ADGRF3: variants seen among roughly 807,000 people sequenced by gnomAD.
The protein encoded by ADGRF3 is G protein-coupled receptor 113.
ADGRF3 carries 85 observed loss-of-function variants against 93.2 expected under a neutral mutation model. The observed-to-expected ratio is 0.91, with a 90% CI of 0.77 to 1.09. ADGRF3 has a LOEUF of 1.09. Ranked by LOEUF, ADGRF3 falls within the 50% of genes least tolerant of loss-of-function variation. The pLI, the probability that ADGRF3 is intolerant of heterozygous loss-of-function variation, is 0.00. For synonymous variants in ADGRF3, 534 were observed against 532.5 expected, an observed-to-expected ratio of 1.00 and a Z score of -0.04; for missense variants, 1,125 against 1,246.2, an observed-to-expected ratio of 0.90 and a Z score of 1.46.
intron 1 of ADGRF3, among the ~76,000 whole-genome samples, chr2:26,340,922 A>C (rs1277678564): frequency 6.6e-6 from 1 of 152,220 alleles, no homozygotes; most frequent in Non-Finnish European, 1.5e-5. Context: ...CCTTCAAAAA[A>C]AAAAGAATGG....
Position 26,312,948 on chromosome 2 carries a change from G to C in ADGRF3, c.1444C>G (p.Leu482Val), listed in dbSNP as rs748539913. ...EARIQLDRRA[L>V]KNLLIATDKV... ...CTGTGGCTCAGAGATCTCACCTTCA[G>C]GGCTCTGCGGTCAAGCTGTATTCTG... The change falls in exon 9 of 14, where the codon CTG (leucine) becomes GTG (valine). Residue 482 changes from leucine to valine, a missense_variant. Coordinates refer to ENST00000651242, the MANE Select transcript of ADGRF3 (RefSeq NM_001321971.2). 6 of 1,609,202 alleles carry C rather than the reference G, an allele frequency of 3.7e-6. No individual in the cohort carries two copies. The highest frequency in any genetic ancestry group is 1.7e-5 in the Admixed American group (1 of 59,216).
chr2:26,323,715 C>T (rs1484124209), intron 1 of ADGRF3, among the ~76,000 whole-genome samples: 3 of 151,502 alleles, frequency 2.0e-5, no homozygotes, highest in Non-Finnish European at 2.9e-5. Context: ...CTACAACCTC[C>T]ACCTCCTAGG....
intron 1 of ADGRF3, among the ~76,000 whole-genome samples, chr2:26,320,122 G>C (rs947982127): frequency 3.3e-5 from 5 of 152,152 alleles, no homozygotes; most frequent in African/African-American, 1.2e-4. Flanking sequence ...AACAAAGGAA[G>C]TTTCTTCTAG....
Position 26,346,450 on chromosome 2 carries a change from G to A in ADGRF3, c.-216C>T. On this transcript the variant is annotated 5_prime_UTR_variant, in exon 1 of 14. Coordinates refer to ENST00000651242, the MANE Select transcript of ADGRF3 (RefSeq NM_001321971.2). ...TGCGGGTCCTGGGGATTGGGGGTCG[G>A]GGAGCGTGGGAGCATCCTAAGCCCG... The A allele has an allele frequency of 2.4e-6, 2 of 832,926 alleles. 1 individual carries two copies. Among genetic ancestry groups the A allele is most frequent in the South Asian group, 4.0e-5 (2 of 50,290 alleles). 51.6% of individuals were successfully genotyped at this position (832,926 alleles called of 1,614,324 possible).
intron 1 of ADGRF3, among the ~76,000 whole-genome samples, chr2:26,319,821 T>C (rs1345343669): frequency 6.6e-6 from 1 of 152,042 alleles, no homozygotes; most frequent in Non-Finnish European, 1.5e-5. Flanking sequence ...CCTCAAACTC[T>C]TGGGCTCAAG....
intron 1 of ADGRF3, chr2:26,345,912 G>A (rs1676703364): frequency 5.4e-6 from 3 of 551,434 alleles, no homozygotes; most frequent in Admixed American, 3.3e-5. Context: ...AGCAAATGAA[G>A]CGACGAAGAG....
At chr2:26,314,373 C>T (rs1365879966) in intron 6 of ADGRF3, 41 bp downstream of exon 6, 1 of 1,571,258 alleles carries the variant, frequency 6.4e-7, no homozygotes, top group Admixed American at 1.7e-5. Flanking sequence ...ACAGCTGCCC[C>T]CTGGTCCCTC....
Position 26,328,319 on chromosome 2 carries a change from C to G in ADGRF3, c.115-10757G>C, listed in dbSNP as rs575133236. On this transcript the variant is annotated intron_variant, in intron 1 of 13. Transcript: ENST00000651242. ...TAAGGTGGGCTTTCTTTGGACTTAT[C>G]CTTTTTGGATTTGGCGAGCTTTTGC... is the stretch of plus-strand genomic sequence containing the variant. 3.3e-5 allele frequency among the ~76,000 whole-genome samples: 5 copies of G among 152,230 alleles called. No individual in the cohort carries two copies. The South Asian group carries it at 1.0e-3, about 32-fold the overall frequency.
intron 1 of ADGRF3, among the ~76,000 whole-genome samples, chr2:26,341,565 T>C (rs1676399024): frequency 6.6e-6 from 1 of 152,170 alleles, no homozygotes; most frequent in South Asian, 2.1e-4. Flanking sequence ...CTTTACATTC[T>C]TACCTAAGAG....
chr2:26,329,860 T>C (rs538290773), intron 1 of ADGRF3, among the ~76,000 whole-genome samples: 1 of 152,376 alleles, frequency 6.6e-6, no homozygotes, highest in African/African-American at 2.4e-5. Flanking sequence ...ACTTTTGTAA[T>C]AGGTACTTTA....
intron 1 of ADGRF3, chr2:26,318,964 A>G (rs1228824735): frequency 6.4e-7 from 1 of 1,551,546 alleles, no homozygotes; most frequent in Admixed American, 2.0e-5. Flanking sequence ...AGTCTCACTT[A>G]CAGGTTGGGA....
At chr2:26,316,211 A>T (rs1674636869) in intron 4 of ADGRF3, 64 bp downstream of exon 4, 2 of 1,482,096 alleles carry the variant, frequency 1.3e-6, no homozygotes, top group African/African-American at 2.8e-5. Context: ...CAGAGAGGAG[A>T]AAACCACTGA....
chr2:26,319,727 T>C (rs1164946983), intron 1 of ADGRF3, among the ~76,000 whole-genome samples: 13 of 151,964 alleles, frequency 8.6e-5, no homozygotes, highest in Admixed American at 8.5e-4. Flanking sequence ...TTCTTTTTCT[T>C]TCTTTTAGAA....
rs1289215558 is a variant in ADGRF3 at position 26,309,517 on chromosome 2, A to C, written c.2993+9T>G. On this transcript the variant is annotated intron_variant, in intron 13 of 13. Transcript: ENST00000651242. ...GCTTACGCTGCCCCTGAGAAAGCCT[A>C]GTTCTCACCTGGCAGTGTCGCTTCC... 6.2e-7 allele frequency: 1 copy of C among 1,610,900 alleles called. No individual in the cohort carries two copies. Among genetic ancestry groups the C allele is most frequent in the South Asian group, 1.1e-5 (1 of 89,940 alleles).
In ADGRF3 at chr2:26,319,080, G is replaced by A. The variant is rs1276833629; in HGVS notation, c.115-1518C>T. On this transcript the variant is annotated intron_variant, in intron 1 of 13. Transcript: ENST00000651242. Reference sequence around the variant, plus strand: ...AGTGAAGCAGTCCCTACAAGCCCACGATGCAAATTTCCGCAAGGAAGAGCT... The same window carrying A: ...AGTGAAGCAGTCCCTACAAGCCCACAATGCAAATTTCCGCAAGGAAGAGCT... The A allele has an allele frequency of 6.5e-6, 10 of 1,531,710 alleles. 1 individual carries two copies. In the East Asian group the frequency reaches 2.0e-4, roughly 30 times the overall value. The allele number at this position is 1,531,710 out of a possible 1,614,324, so 94.9% of individuals were successfully genotyped here. A position where few individuals can be genotyped will look rare whatever the true frequency, so the allele number is the denominator to read the frequency against.
chr2:26,341,576 G>A (rs1463338305), intron 1 of ADGRF3, among the ~76,000 whole-genome samples: 3 of 152,128 alleles, frequency 2.0e-5, no homozygotes, highest in Non-Finnish European at 2.9e-5. Context: ...TACCTAAGAG[G>A]ATTATGATTG....
intron 1 of ADGRF3, among the ~76,000 whole-genome samples, chr2:26,336,524 G>A (rs1251858770): frequency 4.6e-5 from 7 of 151,750 alleles, no homozygotes; most frequent in South Asian, 4.2e-4. Context: ...TCAGGAGTTC[G>A]AGACCAGCCT....
chr2:26,346,354 G>C lies in ADGRF3; in HGVS notation c.-120C>G. 6.6e-7 allele frequency: 1 copy of C among 1,524,620 alleles called. No individual in the cohort carries two copies. The highest frequency in any genetic ancestry group is 2.4e-5 in the East Asian group (1 of 41,150). The allele number at this position is 1,524,620 out of a possible 1,614,324, so 94.4% of individuals were successfully genotyped here. The stretch of plus-strand genomic sequence containing the variant: ...CCTCGCCCAGGCGGCTGAGGGGCCC[G>C]CGCGGCGCGGTCCGTGTCACCTTGT... On this transcript the variant is annotated 5_prime_UTR_variant, in exon 1 of 14. Transcript: ENST00000651242.
rs544118492 is a variant in ADGRF3, at chr2:26,316,900, C to T, written c.325+12G>A. 6.9e-5 allele frequency: 109 copies of T among 1,590,966 alleles called. 1 individual carries two copies. The highest frequency in any genetic ancestry group is 1.5e-4 in the Admixed American group (8 of 52,474). On this transcript the variant is annotated intron_variant, in intron 3 of 13. Coordinates refer to ENST00000651242, the MANE Select transcript of ADGRF3 (RefSeq NM_001321971.2). Reference sequence around the variant, plus strand: ...TCATTCACTCTCAGCCCCCTTCCCACGCAAGTGGTACCTGTTGTGAGTCTG... The same window carrying T: ...TCATTCACTCTCAGCCCCCTTCCCATGCAAGTGGTACCTGTTGTGAGTCTG...
Sources: allele counts gnomAD v4.1 joint callset (sites outside exome capture counted in the v4.1 genomes callset), GRCh38; gene constraint gnomAD v4.1.1; transcripts MANE v1.5; gene names NCBI Gene and HGNC (gene_info 2026-07-23, HGNC 2026-07-21).